The following RASGRP2 variants were observed in gnomAD, a reference collection of about 807,000 sequenced individuals.
The protein encoded by RASGRP2 is RAS guanyl releasing protein 2.
In RASGRP2, 44 loss-of-function variants were observed where a neutral mutation model predicts 71.0. The observed-to-expected ratio is 0.62, with a 90% confidence interval of 0.49 to 0.80. The LOEUF (loss-of-function observed/expected upper bound fraction) is 0.80, where lower values mean the gene tolerates loss of function less well. Among genes scored for constraint, RASGRP2 ranks in the 30% least tolerant of loss-of-function variants. The pLI is 0.00. For missense variants in RASGRP2, 663 were observed against 813.4 expected, an observed-to-expected ratio of 0.82 and a Z score of 2.25; for synonymous variants, 350 against 330.7, an observed-to-expected ratio of 1.06 and a Z score of -0.63.
At position 64,735,109 on chromosome 11, in the gene RASGRP2, C is replaced by T; in HGVS notation, c.1412+3G>A. On this transcript the variant is annotated splice_donor_region_variant and intron_variant, in intron 12 of 16. Transcript: ENST00000394432. This position sits in a 1 kb window ranked among gnomAD's most constrained non-coding sequence, Gnocchi z 4.2. ...TCTCCCCCAGGTCCCCAGCCCTCCT[C>T]ACTGGTTCTGGTCGAGGTCCCCAAA... 6.2e-7 allele frequency: 1 copy of T among 1,611,126 alleles called. No individual in the cohort carries two copies. The highest frequency in any genetic ancestry group is 8.5e-7 in the Non-Finnish European group (1 of 1,177,234).
At chr11:64,729,422 C>T (rs1280326752) in intron 14 of RASGRP2, among the ~76,000 whole-genome samples, 1 of 151,850 alleles carries the variant, frequency 6.6e-6, no homozygotes, top group Non-Finnish European at 1.5e-5. Flanking sequence ...CTGCAAACCC[C>T]GCCTCCCAGG....
intron 12 of RASGRP2, among the ~76,000 whole-genome samples, chr11:64,730,555 ACT>A (rs1184095626): frequency 6.6e-6 from 1 of 152,166 alleles, no homozygotes; most frequent in African/African-American, 2.4e-5. Flanking sequence ...AGCAGGGAGA[ACT>A]CTCTAATGAG....
chr11:64,731,379 A>G (rs2135737467), intron 12 of RASGRP2, among the ~76,000 whole-genome samples: 1 of 151,914 alleles, frequency 6.6e-6, no homozygotes, highest in East Asian at 1.9e-4. Flanking sequence ...AAAAAAAGAA[A>G]AGATATAATA....
At chr11:64,741,148 T>G in intron 4 of RASGRP2, 69 bp from the exon 5 acceptor site, 1 of 1,573,420 alleles carries the variant, frequency 6.4e-7, no homozygotes, top group East Asian at 2.3e-5. Flanking sequence ...CAAGGAGCTA[T>G]TTGAGATTAT....
chr11:64,736,737 GC>G lies in RASGRP2; in HGVS notation c.1095+15del, dbSNP rs1241353998. The G allele has an allele frequency of 1.3e-6, 2 of 1,565,676 alleles. No homozygotes were observed. Among genetic ancestry groups the G allele is most frequent in the Admixed American group, 1.9e-5 (1 of 53,306 alleles). On this transcript the variant is annotated intron_variant, in intron 9 of 16. Coordinates refer to ENST00000394432, the MANE Select transcript of RASGRP2 (RefSeq NM_001098671.2). Reference sequence around the variant, plus strand: ...CTGGTGCCCAGCTCCCCACCTCCCTGCCCCCTGCTCCTCACCGTGAGCAGGC... The same window carrying G: ...CTGGTGCCCAGCTCCCCACCTCCCTGCCCCTGCTCCTCACCGTGAGCAGGC...
rs2135730828 is a variant in RASGRP2 at position 64,730,066 on chromosome 11, T to G, written c.1541A>C (p.His514Pro). ...SNSLRPVACR[H>P]CKALILGIYK... is the part of the protein sequence containing the mutation. ...AGGGACTCTCACCAGGGCTTTGCAG[T>G]GGCGGCAGGCGACGGGGCGCAAGGA... Residue 514 changes from histidine (H) to proline (P), a missense_variant, in exon 13 of 17, where the codon CAC (histidine) becomes CCC (proline). His to Pro is a moderately conservative substitution (Grantham distance 77). Coordinates refer to ENST00000394432, the MANE Select transcript of RASGRP2 (RefSeq NM_001098671.2). 6.4e-7 allele frequency: 1 copy of G among 1,550,702 alleles called. No individual in the cohort carries two copies. Among genetic ancestry groups the G allele is most frequent in the Non-Finnish European group, 8.7e-7 (1 of 1,147,836 alleles).
chr11:64,745,026 G>A (rs2058260714), upstream of RASGRP2: 1 of 151,580 alleles, frequency 6.6e-6, no homozygotes, highest in Non-Finnish European at 1.5e-5. Context: ...CGCCGCCCGG[G>A]AGGCCAGGGC....
At chr11:64,744,370 G>A, upstream of RASGRP2, 1 of 965,790 alleles carries the variant, frequency 1.0e-6, no homozygotes, top group Non-Finnish European at 1.2e-6. Context: ...CCTGTACGGA[G>A]TTCTCAGGCG....
Position 64,742,209 on chromosome 11 carries a change from T to A in RASGRP2, c.74-97A>T, listed in dbSNP as rs574581575. On this transcript the variant is annotated intron_variant, in intron 2 of 16. Coordinates refer to ENST00000394432, the MANE Select transcript of RASGRP2 (RefSeq NM_001098671.2). The surrounding 1 kb of genome is among the most constrained non-coding windows in gnomAD (Gnocchi z 4.7). ...ACCCGCCAGGTATCGGTCCTTCGGG[T>A]GCACGCTCGACCCCGCCCACCTCCT... The A allele has an allele frequency of 2.1e-6, 2 of 946,380 alleles. No individual in the cohort carries two copies. Among genetic ancestry groups the A allele is most frequent in the Admixed American group, 4.0e-5 (2 of 50,164 alleles). The allele number at this position is 946,380 out of a possible 1,614,324, so 58.6% of individuals were successfully genotyped here. A position where few individuals can be genotyped will look rare whatever the true frequency, so the allele number is the denominator to read the frequency against.
In RASGRP2 at chr11:64,740,082, G is replaced by A; in HGVS notation, c.453C>T (p.Asp151=). ...QKKRKMSLLF[D]HLEPMELAEH... is the part of the protein sequence containing the mutation. The stretch of plus-strand genomic sequence containing the variant: ...CCGCCAGCTCCATGGGCTCCAGGTG[G>A]TCAAACAACAGGGACATCTTGCGCT... Residue 151 remains aspartate (D), a synonymous_variant, in exon 6 of 17, where the codon GAC becomes GAT. Transcript: ENST00000394432. The A allele has an allele frequency of 6.2e-7, 1 of 1,614,146 alleles. No individual in the cohort carries two copies. Among genetic ancestry groups the A allele is most frequent in the South Asian group, 1.1e-5 (1 of 91,082 alleles).
chr11:64,740,160 A>C lies in RASGRP2; in HGVS notation c.375T>G (p.Pro125=), dbSNP rs779601398. The change falls in exon 6 of 17, where the codon CCT becomes CCG. Residue 125 remains proline, a synonymous_variant. Coordinates refer to ENST00000394432, the MANE Select transcript of RASGRP2 (RefSeq NM_001098671.2). ...TCACCTGCCGCTTCCACTTGTAGGT[A>C]GGGCTGGGGGGGCAGGGGTAGTGAG... ...HSSLIDIDSV[P]TYKWKRQVTQ... is the part of the protein sequence containing the mutation. 1 of 1,613,914 alleles carries C rather than the reference A, an allele frequency of 6.2e-7. No individual in the cohort carries two copies. Among genetic ancestry groups the C allele is most frequent in the Non-Finnish European group, 8.5e-7 (1 of 1,179,928 alleles).
chr11:64,744,233 A>C (rs71526471), upstream of RASGRP2: 31 of 985,674 alleles, frequency 3.1e-5, no homozygotes, highest in Admixed American at 6.2e-5. Context: ...TTTGCGGTGC[A>C]GGGCCCGCCC....
rs760036449 is a variant in RASGRP2, at chr11:64,735,602, C to G, written c.1236G>C (p.Ser412=). ...PRPPVLEEWT[S]AAKPKLDQAL... ...CCTGATCCAGCTTGGGTTTGGCAGC[C>G]GAGGTCCACTCCTCCAGTACCGGGG... Residue 412 remains serine (S), a synonymous_variant, in exon 11 of 17, where the codon TCG becomes TCC. Transcript: ENST00000394432. This position sits in a 1 kb window ranked among gnomAD's most constrained non-coding sequence, Gnocchi z 4.2. The G allele has an allele frequency of 1.9e-6, 3 of 1,613,988 alleles. No homozygotes were observed. Among genetic ancestry groups the G allele is most frequent in the Non-Finnish European group, 2.5e-6 (3 of 1,180,022 alleles).
chr11:64,737,387 C>A, intron 8 of RASGRP2: 1 of 348,842 alleles, frequency 2.9e-6, no homozygotes, highest in Non-Finnish European at 5.5e-6. Context: ...ACTGGAAAAA[C>A]CAGCTGGGCG....
Position 64,735,572 on chromosome 11 carries a change from G to C in RASGRP2, c.1266C>G (p.Leu422=). 1.2e-6 allele frequency: 2 copies of C among 1,614,114 alleles called. No individual in the cohort carries two copies. The highest frequency in any genetic ancestry group is 1.7e-6 in the Non-Finnish European group (2 of 1,180,028). The part of the protein sequence containing the change: ...SAAKPKLDQA[L]VVEHIEKMVE... ...CCATCTTCTCGATGTGCTCCACCAC[G>C]AGGGCCTGATCCAGCTTGGGTTTGG... is the stretch of plus-strand genomic sequence containing the variant. The change falls in exon 11 of 17, where the codon CTC becomes CTG. Residue 422 remains leucine (L), a synonymous_variant. Transcript: ENST00000394432. This position sits in a 1 kb window ranked among gnomAD's most constrained non-coding sequence, Gnocchi z 4.2.
intron 12 of RASGRP2, 108 bp from the exon 13 acceptor site, chr11:64,730,302 G>A (rs1002485713): frequency 1.3e-5 from 18 of 1,412,442 alleles, no homozygotes; most frequent in Non-Finnish European, 1.8e-5. Flanking sequence ...TCCTGATTTT[G>A]GACTCCTGTT....
intron 3 of RASGRP2, 79 bp from the exon 4 acceptor site, chr11:64,741,580 T>A: frequency 7.8e-7 from 1 of 1,278,958 alleles, no homozygotes; most frequent in South Asian, 1.3e-5. Context: ...CGGGGCCTGG[T>A]TCTAGGAGAC....
chr11:64,740,324 C>A, intron 5 of RASGRP2, 161 bp from the exon 6 acceptor site: 1 of 845,038 alleles, frequency 1.2e-6, no homozygotes, highest in East Asian at 2.6e-5. Context: ...CCTCATCTCC[C>A]CCGACCCCGT....
chr11:64,739,380 C>T lies in RASGRP2; in HGVS notation c.793G>A (p.Val265Ile), dbSNP rs542524220. 73 of 1,614,166 alleles carry T rather than the reference C, an allele frequency of 4.5e-5. No homozygotes were observed. In the East Asian group the frequency reaches 5.8e-4, roughly 13 times the overall value. ...GGCACCTTGATGGTCTCAGGGCTAACGTGGCTGTGGGTCTCCTTGAGGCGG... is the reference window on the plus strand; with the variant it reads ...GGCACCTTGATGGTCTCAGGGCTAATGTGGCTGTGGGTCTCCTTGAGGCGG... Reference protein sequence around the residue: ...ISRLKETHSHVSPETIKLWEG... With the variant: ...ISRLKETHSHISPETIKLWEG... The change falls in exon 8 of 17, where the codon GTT (valine) becomes ATT (isoleucine). Residue 265 changes from valine to isoleucine, a missense_variant. Physicochemically the swap from Val to Ile is conservative, Grantham distance 29. Transcript: ENST00000394432. This position sits in a 1 kb window ranked among gnomAD's most constrained non-coding sequence, Gnocchi z 4.2.
Sources: allele counts gnomAD v4.1 joint callset (sites outside exome capture counted in the v4.1 genomes callset), GRCh38; gene constraint gnomAD v4.1.1; non-coding constraint Gnocchi (gnomAD v3.1); transcripts MANE v1.5; gene names NCBI Gene and HGNC (gene_info 2026-07-23, HGNC 2026-07-21).